MSI2: variants seen among roughly 807,000 people sequenced by gnomAD.
The protein encoded by MSI2 is RNA-binding protein Musashi homolog 2.
A neutral mutation model predicts 45.6 loss-of-function variants in MSI2; 17 were observed. That is an observed-to-expected ratio of 0.37 (90% CI 0.26 to 0.56). The LOEUF (loss-of-function observed/expected upper bound fraction) is 0.56, where lower values mean the gene tolerates loss of function less well. Ranked by LOEUF, MSI2 falls within the 20% of genes least tolerant of loss-of-function variation. MSI2 has a pLI of 0.77. For synonymous variants in MSI2, 156 were observed against 158.2 expected (o/e 0.99, Z 0.11); for missense variants, 293 against 444.2 (o/e 0.66, Z 3.06).
At chr17:57,548,898 T>TC (rs758120237) in intron 7 of MSI2, among the ~76,000 whole-genome samples, 6,490 of 121,128 alleles carry the variant, frequency 0.054, 260 homozygotes, top group African/African-American at 0.11. Flanking sequence ...TGTTTACCCT[T>TC]CCCCCCCCCA....
the MSI2 span, among the ~76,000 whole-genome samples, chr17:57,689,879 G>C: frequency 6.6e-6 from 1 of 152,022 alleles, no homozygotes; most frequent in Non-Finnish European, 1.5e-5. Context: ...TTGCTGAGTT[G>C]GTTTTCCATT....
In MSI2 at chr17:57,627,375, C is replaced by T; in HGVS notation, c.727+72C>T. 1 of 1,320,018 alleles carries T rather than the reference C, an allele frequency of 7.6e-7. No homozygotes were observed. Among genetic ancestry groups the T allele is most frequent in the Non-Finnish European group, 1.1e-6 (1 of 913,758 alleles). 81.8% of individuals were successfully genotyped at this position (1,320,018 alleles called of 1,614,324 possible). The stretch of plus-strand genomic sequence containing the variant: ...TGCATTTGCGGGGAGGTGAGAGGAC[C>T]CCTAAAGAGAATGCATTTCTTACAT... On this transcript the variant is annotated intron_variant, in intron 10 of 13. Transcript: ENST00000284073. This position sits in a 1 kb window ranked among gnomAD's most constrained non-coding sequence, Gnocchi z 4.6.
intron 5 of MSI2, among the ~76,000 whole-genome samples, chr17:57,387,876 C>A (rs2083712470): frequency 6.6e-6 from 1 of 152,190 alleles, no homozygotes; most frequent in Admixed American, 6.5e-5. Context: ...CCTGTCATTG[C>A]AGTCCATTCC....
At chr17:57,669,829 GA>G (rs1253595863) in intron 11 of MSI2, among the ~76,000 whole-genome samples, 1 of 152,116 alleles carries the variant, frequency 6.6e-6, no homozygotes, top group Non-Finnish European at 1.5e-5. Context: ...TTGCCTCCCC[GA>G]GCCACACGCA....
At position 57,545,739 on chromosome 17, in the gene MSI2, G is replaced by C. The variant is rs561718790; in HGVS notation, c.454+16015G>C. On this transcript the variant is annotated intron_variant, in intron 7 of 13. Coordinates refer to ENST00000284073, the MANE Select transcript of MSI2 (RefSeq NM_138962.4). ...TCGTTAACCCATCTCTGTACTGACT[G>C]GTGCTTTTATTATTATTATGACGAC... Among the ~76,000 whole-genome samples the C allele has an allele frequency of 6.6e-5, 10 of 152,246 alleles. No individual in the cohort carries two copies. In the South Asian group the frequency reaches 2.1e-3, roughly 32 times the overall value.
chr17:57,393,413 A>G (rs903396140), intron 5 of MSI2, among the ~76,000 whole-genome samples: 2 of 152,204 alleles, frequency 1.3e-5, no homozygotes, highest in Admixed American at 1.3e-4. Context: ...TTCACTTGGC[A>G]TAACGCTTTC....
At chr17:57,512,301 G>T (rs2086373401) in intron 6 of MSI2, among the ~76,000 whole-genome samples, 1 of 152,128 alleles carries the variant, frequency 6.6e-6, no homozygotes, top group Non-Finnish European at 1.5e-5. Flanking sequence ...GGATTCTAAA[G>T]GTAGCACCAC....
At chr17:57,691,198 C>G in the MSI2 span, among the ~76,000 whole-genome samples, 4 of 118,870 alleles carry the variant, frequency 3.4e-5, no homozygotes, top group African/African-American at 1.3e-4. Context: ...CTCTCTCTCT[C>G]TCATCTATCT....
chr17:57,407,007 C>T lies in MSI2; in HGVS notation c.405+5536C>T, dbSNP rs561086013. ...CGTGGAAAGTTACAGCTCTTGAGGT[C>T]TCGTCAAAGTGGGAGATCGCTGTGG... is the stretch of plus-strand genomic sequence containing the variant. On this transcript the variant is annotated intron_variant, in intron 6 of 13. Transcript: ENST00000284073. The surrounding 1 kb of genome is among the most constrained non-coding windows in gnomAD (Gnocchi z 4.1). The T allele has an allele frequency of 1.7e-4, 26 of 152,222 alleles. No individual in the cohort carries two copies. Among genetic ancestry groups the T allele is most frequent in the East Asian group, 5.8e-4 (3 of 5,176 alleles). The allele number at this position is 152,222 out of a possible 1,614,324, so 9.4% of individuals were successfully genotyped here. A position where few individuals can be genotyped will look rare whatever the true frequency, so the allele number is the denominator to read the frequency against.
chr17:57,438,635 A>C (rs1317888231), intron 6 of MSI2, among the ~76,000 whole-genome samples: 1 of 152,094 alleles, frequency 6.6e-6, no homozygotes, highest in Non-Finnish European at 1.5e-5. Context: ...TCAGTTAAGA[A>C]AATAAAACAC....
intron 11 of MSI2, among the ~76,000 whole-genome samples, chr17:57,665,412 G>GCT (rs1442267620): frequency 6.6e-6 from 1 of 152,228 alleles, no homozygotes; most frequent in Non-Finnish European, 1.5e-5. Context: ...GAGCTGAATG[G>GCT]CTCTGTGCTT....
intron 6 of MSI2, among the ~76,000 whole-genome samples, chr17:57,480,996 G>A (rs1433772901): frequency 6.6e-6 from 1 of 152,180 alleles, no homozygotes; most frequent in African/African-American, 2.4e-5. Context: ...CATTGATAAG[G>A]GAGACTCATA....
At chr17:57,539,357 A>G (rs1047574776) in intron 7 of MSI2, among the ~76,000 whole-genome samples, 7 of 151,894 alleles carry the variant, frequency 4.6e-5, no homozygotes, top group Non-Finnish European at 8.8e-5. Context: ...TGAATTGTCA[A>G]TGCAGTGATA....
At chr17:57,352,169 T>C (rs767328318) in intron 5 of MSI2, among the ~76,000 whole-genome samples, 5 of 152,208 alleles carry the variant, frequency 3.3e-5, no homozygotes, top group Non-Finnish European at 7.3e-5. Context: ...AACAAGTATA[T>C]GTCACGTAAA....
At chr17:57,357,398 G>C (rs1598164207) in intron 5 of MSI2, among the ~76,000 whole-genome samples, 1 of 152,130 alleles carries the variant, frequency 6.6e-6, no homozygotes. Context: ...AGAAGGGGCT[G>C]CTTAGAGCTT....
intron 6 of MSI2, among the ~76,000 whole-genome samples, chr17:57,477,023 G>A (rs2085550477): frequency 6.6e-6 from 1 of 152,254 alleles, no homozygotes; most frequent in Admixed American, 6.5e-5. Flanking sequence ...TTGAGACAGG[G>A]ACTTTCTCAT....
intron 9 of MSI2, among the ~76,000 whole-genome samples, chr17:57,617,900 G>A (rs989607948): frequency 6.6e-6 from 1 of 151,996 alleles, no homozygotes; most frequent in Non-Finnish European, 1.5e-5. Context: ...GTGAAACCCT[G>A]TCTCTACTAA....
chr17:57,327,538 ACAAGAAG>A (rs1317984195), intron 5 of MSI2, among the ~76,000 whole-genome samples: 1 of 152,208 alleles, frequency 6.6e-6, no homozygotes, highest in East Asian at 1.9e-4. Context: ...CTTTTAGAAC[ACAAGAAG>A]TGTTCTATTC....
intron 6 of MSI2, among the ~76,000 whole-genome samples, chr17:57,484,499 G>A (rs1336835224): frequency 6.6e-6 from 1 of 152,180 alleles, no homozygotes; most frequent in Non-Finnish European, 1.5e-5. Flanking sequence ...TCATTAGACT[G>A]GCTTAGTAGT....
Sources: allele counts gnomAD v4.1 joint callset (sites outside exome capture counted in the v4.1 genomes callset), GRCh38; gene constraint gnomAD v4.1.1; non-coding constraint Gnocchi (gnomAD v3.1); transcripts MANE v1.5; gene names NCBI Gene and HGNC (gene_info 2026-07-23, HGNC 2026-07-21).